Variants in PLEKHA8 observed in about 807,000 individuals in gnomAD.
PLEKHA8 encodes the protein pleckstrin homology domain containing A8, also known as pleckstrin homology domain-containing family A member 8.
Under a neutral mutation model 68.2 loss-of-function variants are expected in PLEKHA8, and 36 were observed. That is an observed-to-expected ratio of 0.53 (90% CI 0.40 to 0.70). The LOEUF is 0.70. Among genes scored for constraint, PLEKHA8 ranks in the 30% least tolerant of loss-of-function variants. The pLI is 0.00. For synonymous variants in PLEKHA8, 211 were observed against 216.1 expected (o/e 0.98, Z 0.20); for missense variants, 505 against 615.4 (o/e 0.82, Z 1.90).
intron 13 of PLEKHA8, among the ~76,000 whole-genome samples, chr7:30,119,738 C>T (rs1179605940): frequency 6.6e-6 from 1 of 152,168 alleles, no homozygotes; most frequent in African/African-American, 2.4e-5. Flanking sequence ...TGTAATTGAC[C>T]TTCAGCCACC....
intron 13 of PLEKHA8, 148 bp downstream of exon 13, chr7:30,074,280 G>GTGTATGT: frequency 1.7e-6 from 1 of 577,316 alleles, no homozygotes; most frequent in Non-Finnish European, 2.9e-6. Flanking sequence ...GTGTATGTGT[G>GTGTATGT]GTGTTTTTGT....
chr7:30,056,281 T>TCC (rs1792861683), intron 9 of PLEKHA8, among the ~76,000 whole-genome samples: 16 of 54,558 alleles, frequency 2.9e-4, no homozygotes, highest in Admixed American at 1.7e-3. Flanking sequence ...AGATATATTC[T>TCC]CTCTCTCTCT....
rs1235047029 is a variant in PLEKHA8, at chr7:30,117,049, C to T, written c.1363-12217C>T. 2.0e-5 allele frequency among the ~76,000 whole-genome samples: 3 copies of T among 152,202 alleles called. No homozygotes were observed. The East Asian group carries it at 5.8e-4, about 29-fold the overall frequency. ...TGTCACCGCCTTTCCGTCTGCCTTC[C>T]AGCATCTGTGCCCAGTTGACGTAAT... On this transcript the variant is annotated intron_variant, in intron 13 of 13. Coordinates refer to the PLEKHA8 transcript ENST00000396257.
chr7:30,049,144 C>A, intron 4 of PLEKHA8, 80 bp from the exon 5 acceptor site: 1 of 1,536,646 alleles, frequency 6.5e-7, no homozygotes, highest in Non-Finnish European at 9.0e-7. Context: ...ATTTTGTGGG[C>A]AACCTCTAAG....
In PLEKHA8 at chr7:30,028,904, C is replaced by T. The variant is rs144976522; in HGVS notation, c.40+102C>T. 3.4e-3 allele frequency: 4,049 copies of T among 1,174,872 alleles called. 18 individuals are homozygous for T. The highest frequency in any genetic ancestry group is 0.017 in the Middle Eastern group (78 of 4,648). The allele number at this position is 1,174,872 out of a possible 1,614,324, so 72.8% of individuals were successfully genotyped here. A position where few individuals can be genotyped will look rare whatever the true frequency, so the allele number is the denominator to read the frequency against. Reference sequence around the variant, plus strand: ...CCGTCTTAGGGAGGGGGTCACGGCCCTTTCCTGAGGCCAGCGCGGAGCGGG... The same window carrying T: ...CCGTCTTAGGGAGGGGGTCACGGCCTTTTCCTGAGGCCAGCGCGGAGCGGG... On this transcript the variant is annotated intron_variant, in intron 1 of 13. Transcript: ENST00000449726.
At chr7:30,128,089 G>GTTTTTT (rs1487431952) in intron 13 of PLEKHA8, among the ~76,000 whole-genome samples, 1 of 121,584 alleles carries the variant, frequency 8.2e-6, no homozygotes. Flanking sequence ...GAGTTTTACT[G>GTTTTTT]TATTTTTTTT....
Position 30,028,629 on chromosome 7 carries a change from C to CA in PLEKHA8, c.-133dup. 1.6e-6 allele frequency: 1 copy of CA among 623,656 alleles called. No homozygotes were observed. Among genetic ancestry groups the CA allele is most frequent in the South Asian group, 8.3e-5 (1 of 11,998 alleles). 38.6% of individuals were successfully genotyped at this position (623,656 alleles called of 1,614,324 possible). A position where few individuals can be genotyped will look rare whatever the true frequency, so the allele number is the denominator to read the frequency against. Reference sequence around the variant, plus strand: ...GGATGTGAGGCGGGCCGGGCGTCCCCACACCGGGCCCGGGCGCCGGGAGTG... The same window carrying CA: ...GGATGTGAGGCGGGCCGGGCGTCCCCAACACCGGGCCCGGGCGCCGGGAGTG... On this transcript the variant is annotated 5_prime_UTR_variant, in exon 1 of 14. Coordinates refer to ENST00000449726, the MANE Select transcript of PLEKHA8 (RefSeq NM_001197026.2).
chr7:30,051,556 C>T (rs572075767), intron 6 of PLEKHA8, among the ~76,000 whole-genome samples: 1 of 152,120 alleles, frequency 6.6e-6, no homozygotes, highest in African/African-American at 2.4e-5. Flanking sequence ...TTCCTTTAAC[C>T]GATAGAATTA....
chr7:30,104,071 C>T (rs879923934), intron 13 of PLEKHA8, among the ~76,000 whole-genome samples: 1 of 152,122 alleles, frequency 6.6e-6, no homozygotes, highest in African/African-American at 2.4e-5. Flanking sequence ...TAAAAGACCA[C>T]ATACAAATGC....
intron 12 of PLEKHA8, among the ~76,000 whole-genome samples, chr7:30,068,946 G>C (rs989272983): frequency 6.6e-6 from 1 of 152,170 alleles, no homozygotes; most frequent in Non-Finnish European, 1.5e-5. Context: ...CAGAAAGCCA[G>C]TTGTCTTAGC....
chr7:30,078,795 T>G lies in PLEKHA8; in HGVS notation c.*8T>G. ...TCTGATGAGGTGGTATGATGGCTGC[T>G]GGGCAGCACCTCCTAACTTCAGGGA... On this transcript the variant is annotated 3_prime_UTR_variant, in exon 14 of 14. Coordinates refer to ENST00000449726, the MANE Select transcript of PLEKHA8 (RefSeq NM_001197026.2). 6.2e-7 allele frequency: 1 copy of G among 1,611,164 alleles called. No individual in the cohort carries two copies. Among genetic ancestry groups the G allele is most frequent in the South Asian group, 1.1e-5 (1 of 90,778 alleles).
chr7:30,098,912 G>A (rs1453158466), intron 13 of PLEKHA8, among the ~76,000 whole-genome samples: 9 of 152,264 alleles, frequency 5.9e-5, no homozygotes, highest in South Asian at 2.1e-4. Flanking sequence ...CGTCGCTCAC[G>A]CTGGGAGCTG....
chr7:30,087,637 C>T (rs1795234580), downstream of PLEKHA8, among the ~76,000 whole-genome samples: 1 of 152,200 alleles, frequency 6.6e-6, no homozygotes, highest in Non-Finnish European at 1.5e-5. Flanking sequence ...CTGTGCACAG[C>T]TATGCTTGAT....
At chr7:30,049,636 T>C (rs1381140056) in intron 5 of PLEKHA8, among the ~76,000 whole-genome samples, 2 of 152,214 alleles carry the variant, frequency 1.3e-5, no homozygotes, top group Admixed American at 1.3e-4. Context: ...CCTAAAGTTG[T>C]GATAGTCTTC....
At chr7:30,056,503 C>T (rs1413395201) in intron 9 of PLEKHA8, among the ~76,000 whole-genome samples, 3 of 147,454 alleles carry the variant, frequency 2.0e-5, no homozygotes, top group East Asian at 2.0e-4. Context: ...CTGAGGTGGG[C>T]GGATCACCTG....
chr7:30,050,679 T>G (rs1792335876), intron 6 of PLEKHA8: 1 of 544,516 alleles, frequency 1.8e-6, no homozygotes, highest in Non-Finnish European at 2.9e-6. Flanking sequence ...ATAGGGAAGA[T>G]GTTGGCATTT....
intron 13 of PLEKHA8, among the ~76,000 whole-genome samples, chr7:30,097,688 A>G (rs1027037884): frequency 6.6e-6 from 1 of 152,124 alleles, no homozygotes; most frequent in Non-Finnish European, 1.5e-5. Flanking sequence ...CAGGTCCTTT[A>G]AGGACTTCTC....
At chr7:30,063,024 T>C (rs1226592793) in intron 12 of PLEKHA8, among the ~76,000 whole-genome samples, 2 of 152,244 alleles carry the variant, frequency 1.3e-5, no homozygotes, top group Admixed American at 6.5e-5. Flanking sequence ...GACCTAATAT[T>C]ATCAAGAAGT....
intron 13 of PLEKHA8, 122 bp downstream of exon 13, chr7:30,074,254 GTGTGTGTGTGTGTGTGTGTA>G (rs1794465949): frequency 1.6e-6 from 1 of 643,140 alleles, no homozygotes; most frequent in Non-Finnish European, 2.6e-6. Flanking sequence ...AGTTGTGTGT[GTGTGTGTGTGTGTGTGTGTA>G]TGTGTGGTGT....
Sources: gnomAD v4.1 joint callset for allele counts (sites outside exome capture counted in the v4.1 genomes callset) on GRCh38, gnomAD v4.1.1 for gene constraint, MANE v1.5 for transcripts, NCBI Gene and HGNC (gene_info 2026-07-23, HGNC 2026-07-21) for gene names.